Variants in ANKMY1 observed in about 807,000 individuals in gnomAD.
ANKMY1 encodes ankyrin repeat and MYND domain containing 1.
In ANKMY1, 98 loss-of-function variants were observed where a neutral mutation model predicts 102.0. The observed-to-expected ratio is 0.96, with a 90% CI of 0.82 to 1.14. The LOEUF is 1.14. Among genes scored for constraint, ANKMY1 ranks in the 50% most tolerant of loss-of-function variants. The pLI, the probability that ANKMY1 is intolerant of heterozygous loss-of-function variation, is 0.00. For missense variants in ANKMY1, 1,330 were observed against 1,347.6 expected (o/e 0.99, Z 0.20); for synonymous variants, 582 against 559.9 (o/e 1.04, Z -0.56).
In ANKMY1 at chr2:240,526,368, G is replaced by A. The variant is rs192708554; in HGVS notation, c.1031C>T (p.Pro344Leu). 2.7e-4 allele frequency: 429 copies of A among 1,614,188 alleles called. No homozygotes were observed. Among genetic ancestry groups the A allele is most frequent in the Admixed American group, 8.2e-4 (49 of 60,026 alleles). ...GKRSGFAPCGPKEQLSMEMIL... is the reference protein window; with the variant it reads ...GKRSGFAPCGLKEQLSMEMIL... Reference sequence around the variant, plus strand: ...CATCTCCATGGAAAGTTGCTCTTTGGGCCCACAGGGTGCAAAGCCACTGCG... The same window carrying A: ...CATCTCCATGGAAAGTTGCTCTTTGAGCCCACAGGGTGCAAAGCCACTGCG... The change falls in exon 6 of 18, where the codon CCC (proline) becomes CTC (leucine). Residue 344 changes from proline (P) to leucine (L), a missense_variant. Pro to Leu is a moderately conservative substitution (Grantham distance 98). Coordinates refer to ENST00000401804, the MANE Select transcript of ANKMY1 (RefSeq NM_001282771.3).
At chr2:240,521,632 G>A (rs112163408) in intron 8 of ANKMY1, among the ~76,000 whole-genome samples, 9,751 of 149,970 alleles carry the variant, frequency 0.065, 399 homozygotes, top group Middle Eastern at 0.21. Flanking sequence ...CCAAGTAGCC[G>A]GGACTACAGG....
At chr2:240,474,289 T>C in the ANKMY1 span, among the ~76,000 whole-genome samples, 2 of 118,560 alleles carry the variant, frequency 1.7e-5, no homozygotes, top group Non-Finnish European at 3.5e-5. Context: ...TTTTTTTTTT[T>C]AGTAGAGACG....
At chr2:240,558,093 G>T, upstream of ANKMY1, 1 of 615,092 alleles carries the variant, frequency 1.6e-6, no homozygotes. Context: ...GCCTCCGGGC[G>T]TGCCCGCCCT....
chr2:240,536,690 C>G (rs1196020383), intron 4 of ANKMY1, among the ~76,000 whole-genome samples: 1 of 152,152 alleles, frequency 6.6e-6, no homozygotes, highest in Non-Finnish European at 1.5e-5. Context: ...GAAAATATTA[C>G]ATATGAAGAG....
downstream of ANKMY1, among the ~76,000 whole-genome samples, chr2:240,477,740 AT>A (rs1394851264): frequency 2.0e-5 from 3 of 152,194 alleles, no homozygotes; most frequent in Non-Finnish European, 2.9e-5. Flanking sequence ...CGTATATTGC[AT>A]ATATAATAAA....
rs777266592 is a variant in ANKMY1 at position 240,524,119 on chromosome 2, T to A, written c.1598A>T (p.His533Leu). The A allele has an allele frequency of 3.6e-5, 58 of 1,613,910 alleles. No homozygotes were observed. The highest frequency in any genetic ancestry group is 4.3e-5 in the Non-Finnish European group (51 of 1,180,034). Residue 533 changes from histidine to leucine, a missense_variant, in exon 8 of 18, where the codon CAT becomes CTT. His to Leu is a moderately conservative substitution (Grantham distance 99, BLOSUM62 -3). Transcript: ENST00000401804. ...DSPLVKGSLGHVESGLEDVLG... is the reference protein window; with the variant it reads ...DSPLVKGSLGLVESGLEDVLG... The stretch of plus-strand genomic sequence containing the variant: ...CACGTCCTCAAGCCCGCTTTCCACA[T>A]GGCCAAGGCTGCCCTTCACCAACGG...
chr2:240,482,723 T>G (rs1212039553), intron 15 of ANKMY1, among the ~76,000 whole-genome samples: 1 of 152,268 alleles, frequency 6.6e-6, no homozygotes, highest in South Asian at 2.1e-4. Context: ...ATATACAGTC[T>G]GTCCTGGAGA....
chr2:240,557,179 G>C lies in ANKMY1; in HGVS notation c.146+11C>G. The C allele has an allele frequency of 6.7e-7, 1 of 1,481,632 alleles. No homozygotes were observed. Among genetic ancestry groups the C allele is most frequent in the Non-Finnish European group, 9.0e-7 (1 of 1,107,552 alleles). The allele number at this position is 1,481,632 out of a possible 1,614,324, so 91.8% of individuals were successfully genotyped here. A position where few individuals can be genotyped will look rare whatever the true frequency, so the allele number is the denominator to read the frequency against. On this transcript the variant is annotated intron_variant, in intron 2 of 17. Coordinates refer to ENST00000401804, the MANE Select transcript of ANKMY1 (RefSeq NM_001282771.3). ...CAGGGTCGGACCTCCCCGCTGGAGG[G>C]TCCCCCGCACCTTGTGGCGAAGACA...
intron 13 of ANKMY1, among the ~76,000 whole-genome samples, chr2:240,500,915 G>A (rs977339256): frequency 3.5e-4 from 53 of 152,254 alleles, no homozygotes; most frequent in African/African-American, 1.3e-3. Context: ...ACATGAGGCA[G>A]ACACCGGGCA....
intron 15 of ANKMY1, 31 bp from the exon 16 acceptor site, chr2:240,482,292 C>T: frequency 6.3e-7 from 1 of 1,594,978 alleles, no homozygotes. Flanking sequence ...CATTAGTACC[C>T]ACGTGGCAGG....
At chr2:240,550,509 A>T (rs918427426) in intron 4 of ANKMY1, among the ~76,000 whole-genome samples, 10 of 152,136 alleles carry the variant, frequency 6.6e-5, no homozygotes, top group Non-Finnish European at 1.3e-4. Flanking sequence ...AACTTAAAGT[A>T]TAATAATAAT....
intron 15 of ANKMY1, among the ~76,000 whole-genome samples, chr2:240,483,744 G>A (rs758222675): frequency 6.6e-6 from 1 of 152,076 alleles, no homozygotes; most frequent in Admixed American, 6.5e-5. Flanking sequence ...GTGCAGGTTT[G>A]TTACCTAGGT....
At chr2:240,553,991 T>TG (rs1255210282) in intron 3 of ANKMY1, 9 of 151,908 alleles carry the variant, frequency 5.9e-5, no homozygotes, top group Admixed American at 5.9e-4. Context: ...AGAAACAGGG[T>TG]GGGCCTGGAG....
At chr2:240,484,143 A>G (rs1371731009) in intron 15 of ANKMY1, among the ~76,000 whole-genome samples, 1 of 152,232 alleles carries the variant, frequency 6.6e-6, no homozygotes, top group Non-Finnish European at 1.5e-5. Context: ...TGCAATAAAC[A>G]TATGTGTACA....
At position 240,482,111 on chromosome 2, in the gene ANKMY1, G is replaced by A. The variant is rs1198581134; in HGVS notation, c.2885+72C>T. 27 of 1,521,140 alleles carry A rather than the reference G, an allele frequency of 1.8e-5. No homozygotes were observed. The Middle Eastern group carries it at 1.5e-3, about 86-fold the overall frequency. 94.2% of individuals were successfully genotyped at this position (1,521,140 alleles called of 1,614,324 possible). A position where few individuals can be genotyped will look rare whatever the true frequency, so the allele number is the denominator to read the frequency against. ...GGCTGTCCCGGGATGAGGTGGTCAG[G>A]CCAGGCACAACAGCACTGTCCAAAC... On this transcript the variant is annotated intron_variant, in intron 16 of 17. Transcript: ENST00000401804.
intron 15 of ANKMY1, among the ~76,000 whole-genome samples, chr2:240,485,644 C>T (rs2075970957): frequency 6.6e-6 from 1 of 151,440 alleles, no homozygotes; most frequent in South Asian, 2.1e-4. Flanking sequence ...GGCTGGAGTG[C>T]AGTGGCATGA....
intron 8 of ANKMY1, chr2:240,521,839 C>T (rs2082344481): frequency 6.6e-6 from 1 of 152,246 alleles, no homozygotes; most frequent in South Asian, 2.1e-4. Context: ...GGAATTTCTT[C>T]CTTCCGGTGA....
chr2:240,500,601 C>T (rs1162830419), intron 13 of ANKMY1, 36 bp from the exon 14 acceptor site: 1 of 1,592,444 alleles, frequency 6.3e-7, no homozygotes, highest in Non-Finnish European at 8.6e-7. Context: ...CACGCAAGGA[C>T]ATCCCGGCTA....
At chr2:240,554,597 A>G (rs1341694758) in intron 3 of ANKMY1, 1 of 419,808 alleles carries the variant, frequency 2.4e-6, no homozygotes, top group Non-Finnish European at 4.3e-6. Context: ...GGCAATTCAT[A>G]ATTTTAAAAC....
Sources: allele counts gnomAD v4.1 joint callset (sites outside exome capture counted in the v4.1 genomes callset), GRCh38; gene constraint gnomAD v4.1.1; transcripts MANE v1.5; gene names NCBI Gene and HGNC (gene_info 2026-07-23, HGNC 2026-07-21).